The following ANP32A variants were observed in gnomAD, a reference collection of about 807,000 sequenced individuals.
ANP32A encodes the protein acidic leucine-rich nuclear phosphoprotein 32 family member A.
A neutral mutation model predicts 33.9 loss-of-function variants in ANP32A; 1 was observed. That is an observed-to-expected ratio of 0.03 (90% CI 0.01 to 0.14). The LOEUF is 0.14. Among genes scored for constraint, ANP32A ranks in the 10% least tolerant of loss-of-function variants. The pLI is 1.00. For synonymous variants in ANP32A, 115 were observed against 120.5 expected, an observed-to-expected ratio of 0.95 and a Z score of 0.30; for missense variants, 155 against 306.0, an observed-to-expected ratio of 0.51 and a Z score of 3.68.
intron 1 of ANP32A, among the ~76,000 whole-genome samples, chr15:68,810,823 GC>G (rs976039558): frequency 1.8e-4 from 27 of 152,106 alleles, no homozygotes; most frequent in Non-Finnish European, 1.0e-4. Flanking sequence ...ACTTTGGGAG[GC>G]CGAGGCAGGC....
rs1893832930 is a variant in ANP32A at position 68,779,236 on chromosome 15, C to A, written c.*845G>T. On this transcript the variant is annotated 3_prime_UTR_variant, in exon 7 of 7. Transcript: ENST00000465139. Reference sequence around the variant, plus strand: ...CAGCGCTTAGGTCCGTAAAAATGTTCTAAGCACAGAAGTACATGTGGAAGA... The same window carrying A: ...CAGCGCTTAGGTCCGTAAAAATGTTATAAGCACAGAAGTACATGTGGAAGA... 6.6e-6 allele frequency: 1 copy of A among 151,754 alleles called. No homozygotes were observed. The allele number at this position is 151,754 out of a possible 1,614,324, so 9.4% of individuals were successfully genotyped here.
chr15:68,803,053 G>C (rs1441562415), intron 1 of ANP32A, among the ~76,000 whole-genome samples: 2 of 152,060 alleles, frequency 1.3e-5, no homozygotes, highest in African/African-American at 4.8e-5. Context: ...AGGTGCTGAG[G>C]GTACAATGAT....
At chr15:68,809,568 C>T (rs1894285273) in intron 1 of ANP32A, among the ~76,000 whole-genome samples, 1 of 152,028 alleles carries the variant, frequency 6.6e-6, no homozygotes, top group Non-Finnish European at 1.5e-5. Context: ...CATACTGGGG[C>T]TCAGGTTCAA....
intron 4 of ANP32A, among the ~76,000 whole-genome samples, chr15:68,783,967 T>C (rs1893901613): frequency 6.6e-6 from 1 of 152,084 alleles, no homozygotes; most frequent in Non-Finnish European, 1.5e-5. Context: ...CACTCTTCTC[T>C]CTCTATCCCC....
chr15:68,818,802 C>G (rs1001831952), intron 1 of ANP32A, among the ~76,000 whole-genome samples: 1 of 151,866 alleles, frequency 6.6e-6, no homozygotes, highest in Non-Finnish European at 1.5e-5. Context: ...CCGGAAAGTA[C>G]GCGGGAAGAC....
intron 1 of ANP32A, among the ~76,000 whole-genome samples, chr15:68,794,548 T>G (rs1596067628): frequency 6.6e-6 from 1 of 152,230 alleles, no homozygotes; most frequent in Admixed American, 6.5e-5. Flanking sequence ...TTTTTGGTGC[T>G]CGTGGGTTTT....
chr15:68,797,718 T>C (rs780051457), intron 1 of ANP32A, among the ~76,000 whole-genome samples: 7 of 152,162 alleles, frequency 4.6e-5, no homozygotes, highest in Admixed American at 6.5e-5. Context: ...TCTCCCCTCA[T>C]AGACAATGGA....
At chr15:68,807,430 G>T (rs561747099) in intron 1 of ANP32A, among the ~76,000 whole-genome samples, 1 of 147,256 alleles carries the variant, frequency 6.8e-6, no homozygotes, top group African/African-American at 2.5e-5. Flanking sequence ...CAGAAAACGG[G>T]GGGGGGGGAG....
At position 68,820,868 on chromosome 15, in the gene ANP32A, C is replaced by T; in HGVS notation, c.-117G>A. 7.9e-7 allele frequency: 1 copy of T among 1,270,974 alleles called. No homozygotes were observed. Among genetic ancestry groups the T allele is most frequent in the Non-Finnish European group, 1.1e-6 (1 of 893,400 alleles). 78.7% of individuals were successfully genotyped at this position (1,270,974 alleles called of 1,614,324 possible). ...GGCTCAACCAGCTCCGCTCGGTTCTCGAGCCCCCAGCACCCGCGGCGCACA... is the reference window on the plus strand; with the variant it reads ...GGCTCAACCAGCTCCGCTCGGTTCTTGAGCCCCCAGCACCCGCGGCGCACA... On this transcript the variant is annotated 5_prime_UTR_variant, in exon 1 of 7. Coordinates refer to ENST00000465139, the MANE Select transcript of ANP32A (RefSeq NM_006305.4).
chr15:68,810,227 G>A (rs1208298794), intron 1 of ANP32A, among the ~76,000 whole-genome samples: 1 of 152,172 alleles, frequency 6.6e-6, no homozygotes, highest in Admixed American at 6.5e-5. Flanking sequence ...CTTTATCCTA[G>A]GAACAATGGT....
rs1169590131 is a variant in ANP32A, at chr15:68,780,565, C to T, written c.625-92G>A. The T allele has an allele frequency of 2.6e-6, 4 of 1,549,152 alleles. No individual in the cohort carries two copies. Among genetic ancestry groups the T allele is most frequent in the African/African-American group, 2.8e-5 (2 of 72,558 alleles). On this transcript the variant is annotated intron_variant, in intron 5 of 6. Coordinates refer to ENST00000465139, the MANE Select transcript of ANP32A (RefSeq NM_006305.4). The surrounding 1 kb of genome is among the most constrained non-coding windows in gnomAD (Gnocchi z 4.3). Reference sequence around the variant, plus strand: ...ACAGAGCACAAAAAGGCCGGGGTCACCCCCAGCCTCTCAGAGCCCCCACCA... The same window carrying T: ...ACAGAGCACAAAAAGGCCGGGGTCATCCCCAGCCTCTCAGAGCCCCCACCA...
chr15:68,783,900 T>C (rs1003325106), intron 4 of ANP32A, among the ~76,000 whole-genome samples: 3 of 152,270 alleles, frequency 2.0e-5, no homozygotes, highest in Non-Finnish European at 2.9e-5. Context: ...CCTCTAGCTC[T>C]GGACCTCCTC....
At position 68,807,432 on chromosome 15, in the gene ANP32A, G is replaced by GA. The variant is rs202025574; in HGVS notation, c.54+13265_54+13266insT. ...CGCCCCACCTCCACAGAAAACGGGG[G>GA]GGGGGGAGTCTCTCCTTTGCCCAGA... On this transcript the variant is annotated intron_variant, in intron 1 of 6. Transcript: ENST00000465139. Among the ~76,000 whole-genome samples, 19 of 148,726 alleles carry GA rather than the reference G, an allele frequency of 1.3e-4. 1 individual carries two copies. The highest frequency in any genetic ancestry group is 2.4e-4 in the Non-Finnish European group (16 of 66,372).
At chr15:68,795,054 G>A (rs1894045842) in intron 1 of ANP32A, among the ~76,000 whole-genome samples, 1 of 152,214 alleles carries the variant, frequency 6.6e-6, no homozygotes, top group South Asian at 2.1e-4. Context: ...ACTGTGAGCT[G>A]GGCGATTCGT....
Position 68,820,727 on chromosome 15 carries a change from A to G in ANP32A, c.25T>C (p.Leu9=), listed in dbSNP as rs777336127. The G allele has an allele frequency of 4.3e-6, 7 of 1,612,968 alleles. No individual in the cohort carries two copies. Among genetic ancestry groups the G allele is most frequent in the Non-Finnish European group, 5.9e-6 (7 of 1,179,624 alleles). The change falls in exon 1 of 7, where the codon TTA becomes CTA. Residue 9 remains leucine, a synonymous_variant. Coordinates refer to ENST00000465139, the MANE Select transcript of ANP32A (RefSeq NM_006305.4). The part of the protein sequence containing the change: MEMGRRIH[L]ELRNRTPSDV... ...GAGGGCGTCCTGTTCCGCAGCTCTA[A>G]ATGAATCCGTCTGCCCATCTCCATC...
intron 1 of ANP32A, among the ~76,000 whole-genome samples, chr15:68,793,100 G>C (rs1036642066): frequency 6.6e-6 from 1 of 152,122 alleles, no homozygotes; most frequent in Non-Finnish European, 1.5e-5. Context: ...GCTGCTGCAT[G>C]AATCATTTAC....
At chr15:68,784,644 G>A in intron 3 of ANP32A, 49 bp from the exon 4 acceptor site, 1 of 1,600,410 alleles carries the variant, frequency 6.2e-7, no homozygotes, top group East Asian at 2.2e-5. Flanking sequence ...TGGGAGGAAG[G>A]TGGAGGAACA....
chr15:68,788,169 G>T (rs565752056), intron 1 of ANP32A, among the ~76,000 whole-genome samples: 16 of 152,158 alleles, frequency 1.1e-4, no homozygotes, highest in Non-Finnish European at 1.8e-4. Flanking sequence ...AGAACCAGGG[G>T]GCCACTCCAG....
At chr15:68,802,289 T>A (rs1894147582) in intron 1 of ANP32A, among the ~76,000 whole-genome samples, 1 of 152,224 alleles carries the variant, frequency 6.6e-6, no homozygotes, top group Non-Finnish European at 1.5e-5. Context: ...CTGCTAAGCA[T>A]CTCTCTAGAA....
Sources: gnomAD v4.1 joint callset for allele counts (sites outside exome capture counted in the v4.1 genomes callset) on GRCh38, gnomAD v4.1.1 for gene constraint, Gnocchi (gnomAD v3.1) non-coding constraint, MANE v1.5 for transcripts, NCBI Gene and HGNC (gene_info 2026-07-23, HGNC 2026-07-21) for gene names.